CLEC12A: variants seen among roughly 807,000 people sequenced by gnomAD.
CLEC12A encodes C-type lectin protein CLL-1.
A neutral mutation model predicts 26.5 loss-of-function variants in CLEC12A; 22 were observed. That is an observed-to-expected ratio of 0.83 (90% CI 0.59 to 1.19). CLEC12A has a LOEUF of 1.19. Ranked by LOEUF, CLEC12A falls within the 50% of genes most tolerant of loss-of-function variation. CLEC12A has a pLI of 0.00. For synonymous variants in CLEC12A, 119 were observed against 101.9 expected (o/e 1.17, Z -1.01); for missense variants, 353 against 315.6 (o/e 1.12, Z -0.90).
chr12:9,968,925 A>G (rs2137128570), upstream of CLEC12A, among the ~76,000 whole-genome samples: 1 of 152,334 alleles, frequency 6.6e-6, no homozygotes, highest in South Asian at 2.1e-4. Flanking sequence ...CCATAGAAGG[A>G]AATGAAATCC....
the CLEC12A span, among the ~76,000 whole-genome samples, chr12:10,006,002 C>A: frequency 1.3e-5 from 2 of 152,150 alleles, no homozygotes; most frequent in South Asian, 2.1e-4. Flanking sequence ...GAGAATGAAT[C>A]CTTCTGTCAT....
At chr12:9,980,786 G>A in intron 4 of CLEC12A, 53 bp downstream of exon 4, 1 of 1,575,360 alleles carries the variant, frequency 6.3e-7, no homozygotes, top group South Asian at 1.1e-5. Context: ...GTGGCATGTT[G>A]GAGAAGACTT....
intron 1 of CLEC12A, among the ~76,000 whole-genome samples, chr12:9,977,901 A>G (rs1439378430): frequency 6.6e-6 from 1 of 152,146 alleles, no homozygotes; most frequent in Admixed American, 6.6e-5. Flanking sequence ...TCATTGAATA[A>G]ATAAACTTGA....
At chr12:9,963,644 T>C (rs911697108) in intron 1 of CLEC12A, among the ~76,000 whole-genome samples, 1 of 152,046 alleles carries the variant, frequency 6.6e-6, no homozygotes, top group Non-Finnish European at 1.5e-5. Flanking sequence ...TATTTGCAAA[T>C]TGAATTTTAG....
At chr12:9,976,331 G>A (rs75564063) in intron 1 of CLEC12A, among the ~76,000 whole-genome samples, 3,532 of 152,268 alleles carry the variant, frequency 0.023, 42 homozygotes, top group Middle Eastern at 0.034. Context: ...AAAGCCACAG[G>A]AGCAGAGCTG....
At chr12:9,999,824 C>T (rs969034289), downstream of CLEC12A, among the ~76,000 whole-genome samples, 3 of 152,102 alleles carry the variant, frequency 2.0e-5, no homozygotes, top group Non-Finnish European at 2.9e-5. Context: ...AGTGAGTTTC[C>T]TGGAATGGAA....
At chr12:9,964,605 C>A (rs1011451602) in intron 1 of CLEC12A, among the ~76,000 whole-genome samples, 1 of 152,010 alleles carries the variant, frequency 6.6e-6, no homozygotes, top group South Asian at 2.1e-4. Flanking sequence ...TGGGTGGGGG[C>A]AAATCCTCGA....
At chr12:10,004,334 G>A in the CLEC12A span, among the ~76,000 whole-genome samples, 3 of 152,226 alleles carry the variant, frequency 2.0e-5, no homozygotes, top group Non-Finnish European at 4.4e-5. Context: ...GAAGAAACGG[G>A]TCACACATGA....
intron 1 of CLEC12A, among the ~76,000 whole-genome samples, chr12:9,978,451 G>A (rs541468693): frequency 5.8e-4 from 86 of 148,064 alleles, no homozygotes; most frequent in Non-Finnish European, 1.0e-3. Context: ...GACACCCAAA[G>A]ACATTATGAA....
upstream of CLEC12A, among the ~76,000 whole-genome samples, chr12:9,967,598 G>C (rs1251719270): frequency 1.3e-5 from 2 of 152,006 alleles, no homozygotes; most frequent in Non-Finnish European, 2.9e-5. Flanking sequence ...AGAGAGTAGA[G>C]ACATGGAGAG....
intron 1 of CLEC12A, among the ~76,000 whole-genome samples, chr12:9,976,943 G>A (rs1044267861): frequency 1.3e-5 from 2 of 152,092 alleles, no homozygotes; most frequent in Non-Finnish European, 2.9e-5. Flanking sequence ...GCCATATGAG[G>A]TGTGCCTTTC....
chr12:9,983,378 T>C (rs916314038), intron 5 of CLEC12A, among the ~76,000 whole-genome samples: 1 of 152,180 alleles, frequency 6.6e-6, no homozygotes, highest in African/African-American at 2.4e-5. Context: ...ATTTGTTGTG[T>C]AGTATAATGA....
At chr12:9,953,173 G>A (rs1863664898) in intron 1 of CLEC12A, 1 of 124,912 alleles carries the variant, frequency 8.0e-6, no homozygotes, top group Non-Finnish European at 1.7e-5. Context: ...TGCCGTCCGG[G>A]AGGGAGGTGG....
Position 9,985,395 on chromosome 12 carries a change from G to T in CLEC12A, c.*369G>T, listed in dbSNP as rs542812000. ...GCAAATTTTAATTTTGTCCCACAGCGTTGCTAGGGTGGCATGGCTCCCCAT... is the reference window on the plus strand; with the variant it reads ...GCAAATTTTAATTTTGTCCCACAGCTTTGCTAGGGTGGCATGGCTCCCCAT... On this transcript the variant is annotated 3_prime_UTR_variant, in exon 6 of 6. Coordinates refer to ENST00000304361, the MANE Select transcript of CLEC12A (RefSeq NM_138337.6). 5.0e-6 allele frequency: 2 copies of T among 401,204 alleles called. No homozygotes were observed. Among genetic ancestry groups the T allele is most frequent in the East Asian group, 3.6e-5 (1 of 28,080 alleles). The allele number at this position is 401,204 out of a possible 1,614,324, so 24.9% of individuals were successfully genotyped here. A position where few individuals can be genotyped will look rare whatever the true frequency, so the allele number is the denominator to read the frequency against.
intron 1 of CLEC12A, among the ~76,000 whole-genome samples, chr12:9,962,851 C>A (rs1863860532): frequency 1.3e-5 from 2 of 152,110 alleles, no homozygotes; most frequent in African/African-American, 4.8e-5. Context: ...ACATTCCTGT[C>A]TCCTTATATT....
At chr12:10,001,658 C>G in the CLEC12A span, among the ~76,000 whole-genome samples, 1 of 152,174 alleles carries the variant, frequency 6.6e-6, no homozygotes, top group African/African-American at 2.4e-5. Context: ...AGTTGAGTTA[C>G]TCAGCAAAAA....
At chr12:10,003,848 A>G in the CLEC12A span, among the ~76,000 whole-genome samples, 39 of 152,208 alleles carry the variant, frequency 2.6e-4, no homozygotes, top group Non-Finnish European at 4.7e-4. Flanking sequence ...CCCAGGAGGC[A>G]GAGGTTGCAA....
the CLEC12A span, among the ~76,000 whole-genome samples, chr12:10,004,495 C>A: frequency 1.3e-5 from 2 of 152,070 alleles, no homozygotes; most frequent in East Asian, 3.9e-4. Flanking sequence ...CCACTCCCAG[C>A]CAAACTCCTC....
intron 1 of CLEC12A, among the ~76,000 whole-genome samples, chr12:9,964,673 T>C (rs745791781): frequency 1.4e-4 from 21 of 151,660 alleles, no homozygotes; most frequent in Non-Finnish European, 2.4e-4. Context: ...AGTAGAATAG[T>C]AGATGGAACA....
Sources: allele counts gnomAD v4.1 joint callset (sites outside exome capture counted in the v4.1 genomes callset), GRCh38; gene constraint gnomAD v4.1.1; transcripts MANE v1.5; gene names NCBI Gene and HGNC (gene_info 2026-07-23, HGNC 2026-07-21).